Variants in SLAIN1 observed in about 807,000 individuals in gnomAD.
SLAIN1 encodes SLAIN motif-containing protein 1.
A neutral mutation model predicts 55.4 loss-of-function variants in SLAIN1; 17 were observed. The ratio of observed to expected loss-of-function variants is 0.31; its 90% confidence interval spans 0.21 to 0.46. SLAIN1 has a LOEUF of 0.46. SLAIN1 is among the 20% of genes least tolerant of loss of function. SLAIN1 has a pLI of 1.00. For synonymous variants in SLAIN1, 348 were observed against 337.4 expected, an observed-to-expected ratio of 1.03 and a Z score of -0.35; for missense variants, 682 against 785.1, an observed-to-expected ratio of 0.87 and a Z score of 1.57.
chr13:77,750,643 A>G (rs1303554267), intron 4 of SLAIN1, among the ~76,000 whole-genome samples: 1 of 152,200 alleles, frequency 6.6e-6, no homozygotes, highest in Non-Finnish European at 1.5e-5. Flanking sequence ...TACGAGACGT[A>G]TGATTGTTAA....
intron 2 of SLAIN1, among the ~76,000 whole-genome samples, chr13:77,732,971 CA>C (rs1872949503): frequency 6.6e-6 from 1 of 152,120 alleles, no homozygotes; most frequent in Non-Finnish European, 1.5e-5. Flanking sequence ...TGTGATCGTG[CA>C]GTGGGTTAAG....
intron 2 of SLAIN1, among the ~76,000 whole-genome samples, chr13:77,735,185 A>G (rs554905131): frequency 6.6e-6 from 1 of 152,254 alleles, no homozygotes; most frequent in African/African-American, 2.4e-5. Context: ...TCCTACAAAC[A>G]TAACTTTTTT....
intron 1 of SLAIN1, among the ~76,000 whole-genome samples, chr13:77,708,635 C>T (rs749250792): frequency 6.6e-6 from 1 of 152,124 alleles, no homozygotes; most frequent in Non-Finnish European, 1.5e-5. Context: ...TGGAGTGGAC[C>T]TCAGGAAAAC....
chr13:77,712,582 A>T (rs917808907), intron 1 of SLAIN1, among the ~76,000 whole-genome samples: 1 of 152,238 alleles, frequency 6.6e-6, no homozygotes, highest in African/African-American at 2.4e-5. Context: ...ATGGAAATAC[A>T]TTCCATGCTC....
intron 2 of SLAIN1, among the ~76,000 whole-genome samples, chr13:77,722,454 C>G (rs763533467): frequency 1.3e-5 from 2 of 152,062 alleles, no homozygotes; most frequent in Non-Finnish European, 2.9e-5. Context: ...CTCTCATGCC[C>G]TTTTTATTTC....
intron 2 of SLAIN1, among the ~76,000 whole-genome samples, chr13:77,724,739 T>A (rs2091292218): frequency 6.8e-6 from 1 of 146,678 alleles, no homozygotes; most frequent in African/African-American, 2.7e-5. Context: ...TAATAAAGCA[T>A]TTTTCTTTTT....
chr13:77,736,077 G>C (rs529166839), intron 2 of SLAIN1, among the ~76,000 whole-genome samples: 5 of 152,160 alleles, frequency 3.3e-5, no homozygotes, highest in African/African-American at 1.2e-4. Flanking sequence ...TTCAATCTCA[G>C]CTCTTGTGTT....
chr13:77,762,298 C>T (rs1875099485), intron 6 of SLAIN1, among the ~76,000 whole-genome samples: 1 of 152,114 alleles, frequency 6.6e-6, no homozygotes, highest in Non-Finnish European at 1.5e-5. Flanking sequence ...CTATGTGTCT[C>T]CAAACTAAAC....
chr13:77,708,354 G>A (rs567295075), intron 1 of SLAIN1, among the ~76,000 whole-genome samples: 1 of 152,214 alleles, frequency 6.6e-6, no homozygotes, highest in East Asian at 1.9e-4. Flanking sequence ...GAAGAGATCA[G>A]CAATTCTCCC....
Position 77,698,565 on chromosome 13 carries a change from C to T in SLAIN1, c.626+26C>T, listed in dbSNP as rs1237329354. The T allele has an allele frequency of 2.9e-6, 4 of 1,393,516 alleles. No homozygotes were observed. The highest frequency in any genetic ancestry group is 3.4e-5 in the Admixed American group (1 of 29,826). 86.3% of individuals were successfully genotyped at this position (1,393,516 alleles called of 1,614,324 possible). A position where few individuals can be genotyped will look rare whatever the true frequency, so the allele number is the denominator to read the frequency against. On this transcript the variant is annotated intron_variant, in intron 1 of 6. Transcript: ENST00000418532. The surrounding 1 kb of genome is among the most constrained non-coding windows in gnomAD (Gnocchi z 4.1). Reference sequence around the variant, plus strand: ...GTACTGCCTGGCTCCGCTCCTTCCCCGAGACCCTGGCCTCGGGGGCTTCGG... The same window carrying T: ...GTACTGCCTGGCTCCGCTCCTTCCCTGAGACCCTGGCCTCGGGGGCTTCGG...
Position 77,722,106 on chromosome 13 carries a change from A to T in SLAIN1, c.766+2435A>T, listed in dbSNP as rs553307330. 8.6e-4 allele frequency among the ~76,000 whole-genome samples: 130 copies of T among 151,910 alleles called. 2 individuals carry two copies. The highest frequency in any genetic ancestry group is 6.8e-3 in the Middle Eastern group (2 of 294). On this transcript the variant is annotated intron_variant, in intron 2 of 6. Transcript: ENST00000418532. ...TTCATTGATGTGGAGCTCAGGCAGA[A>T]TCGTGAGGTCATGAGGATAGGAACT... is the stretch of plus-strand genomic sequence containing the variant.
chr13:77,758,833 G>T (rs986223760), intron 5 of SLAIN1, among the ~76,000 whole-genome samples: 3 of 152,128 alleles, frequency 2.0e-5, no homozygotes, highest in Non-Finnish European at 4.4e-5. Context: ...CTATAGCCTT[G>T]TAGTATAATT....
Position 77,698,329 on chromosome 13 carries a change from T to C in SLAIN1, c.416T>C (p.Leu139Pro). The change falls in exon 1 of 7, where the codon CTG becomes CCG. Residue 139 changes from leucine (L) to proline (P), a missense_variant. By Grantham distance (98) the Leu-to-Pro change is moderately conservative (BLOSUM62 -3). Around this residue, in one of 3 missense-constraint regions of SLAIN1, gnomAD observed 401 missense variants for 417.3 expected, o/e 0.96. Coordinates refer to ENST00000418532, the MANE Select transcript of SLAIN1 (RefSeq NM_001242868.2). The surrounding 1 kb of genome is among the most constrained non-coding windows in gnomAD (Gnocchi z 4.1). ...CCCGCGCCCTCCCTGCTTTGCAGCCTGGCGCAGCCACCCGAGGCGCCCTTC... is the reference window on the plus strand; with the variant it reads ...CCCGCGCCCTCCCTGCTTTGCAGCCCGGCGCAGCCACCCGAGGCGCCCTTC... The part of the protein sequence containing the change: ...PSPAPSLLCS[L>P]AQPPEAPFVY... 1 of 1,448,510 alleles carries C rather than the reference T, an allele frequency of 6.9e-7. No individual in the cohort carries two copies. The allele number at this position is 1,448,510 out of a possible 1,614,324, so 89.7% of individuals were successfully genotyped here.
At chr13:77,741,354 G>C (rs969162035) in intron 2 of SLAIN1, 1 of 987,236 alleles carries the variant, frequency 1.0e-6, no homozygotes, top group African/African-American at 1.7e-5. Context: ...AGTGTATTCT[G>C]GAGTCAAGTT....
chr13:77,724,898 G>C (rs758496315), intron 2 of SLAIN1, among the ~76,000 whole-genome samples: 1 of 151,994 alleles, frequency 6.6e-6, no homozygotes, highest in Non-Finnish European at 1.5e-5. Context: ...TGGGCAGTCC[G>C]CATTTTTGAG....
intron 5 of SLAIN1, among the ~76,000 whole-genome samples, chr13:77,756,416 G>A (rs1228115745): frequency 6.6e-6 from 1 of 151,910 alleles, no homozygotes; most frequent in East Asian, 1.9e-4. Flanking sequence ...GAGGTTTTAT[G>A]TTTCTATAGT....
Position 77,760,724 on chromosome 13 carries a change from A to G in SLAIN1, c.1415-104A>G, listed in dbSNP as rs1874947040. Reference sequence around the variant, plus strand: ...ATATTCTGTTTTTCTCCTCCTGTGTATATTGTACTCTCAGGCATAATGGAC... The same window carrying G: ...ATATTCTGTTTTTCTCCTCCTGTGTGTATTGTACTCTCAGGCATAATGGAC... On this transcript the variant is annotated intron_variant, in intron 5 of 6. Coordinates refer to ENST00000418532, the MANE Select transcript of SLAIN1 (RefSeq NM_001242868.2). 2.5e-6 allele frequency: 3 copies of G among 1,205,140 alleles called. No individual in the cohort carries two copies. In the Admixed American group the frequency reaches 5.6e-5, roughly 22 times the overall value. The allele number at this position is 1,205,140 out of a possible 1,614,324, so 74.7% of individuals were successfully genotyped here.
At chr13:77,730,994 G>A (rs1251818334) in intron 2 of SLAIN1, among the ~76,000 whole-genome samples, 1 of 152,152 alleles carries the variant, frequency 6.6e-6, no homozygotes, top group Non-Finnish European at 1.5e-5. Context: ...CTACCAAAAT[G>A]GGATGGAAAA....
chr13:77,698,406 G>A lies in SLAIN1; in HGVS notation c.493G>A (p.Glu165Lys). 1 of 1,397,906 alleles carries A rather than the reference G, an allele frequency of 7.2e-7. No homozygotes were observed. Among genetic ancestry groups the A allele is most frequent in the Non-Finnish European group, 9.3e-7 (1 of 1,080,608 alleles). The allele number at this position is 1,397,906 out of a possible 1,614,324, so 86.6% of individuals were successfully genotyped here. A position where few individuals can be genotyped will look rare whatever the true frequency, so the allele number is the denominator to read the frequency against. ...CTTCGGCGCGGGCGGTGGCGGGCCG[G>A]AGCCGGGGGGCGCGGGGACGCCGCC... is the stretch of plus-strand genomic sequence containing the variant. Reference protein sequence around the residue: ...GFFGAGGGGPEPGGAGTPPGA... With the variant: ...GFFGAGGGGPKPGGAGTPPGA... Residue 165 changes from glutamate to lysine, a missense_variant, in exon 1 of 7, where the codon GAG (glutamate) becomes AAG (lysine). Glu to Lys is a moderately conservative substitution (Grantham distance 56, BLOSUM62 1). This residue lies in a region of SLAIN1 where 401 missense variants were observed against 417.3 expected (regional missense o/e 0.96). Coordinates refer to ENST00000418532, the MANE Select transcript of SLAIN1 (RefSeq NM_001242868.2). The surrounding 1 kb of genome is among the most constrained non-coding windows in gnomAD (Gnocchi z 4.1).
Sources: allele counts gnomAD v4.1 joint callset (sites outside exome capture counted in the v4.1 genomes callset), GRCh38; gene constraint gnomAD v4.1.1; regional missense constraint gnomAD v4.1.1; non-coding constraint Gnocchi (gnomAD v3.1); transcripts MANE v1.5; gene names NCBI Gene and HGNC (gene_info 2026-07-23, HGNC 2026-07-21).